The following COL7A1 variants were observed in gnomAD, a reference collection of about 807,000 sequenced individuals.
The protein encoded by COL7A1 is collagen type VII alpha 1 chain, also known as collagen alpha-1(VII) chain.
Under a neutral mutation model 456.2 loss-of-function variants are expected in COL7A1, and 296 were observed. The observed-to-expected ratio is 0.65, with a 90% CI of 0.59 to 0.71. The LOEUF (loss-of-function observed/expected upper bound fraction) is 0.71. Ranked by LOEUF, COL7A1 falls within the 30% of genes least tolerant of loss-of-function variation. The probability of loss-of-function intolerance (pLI) is 0.00; values close to 1 mark genes in which losing one functional copy is unlikely to be tolerated. For synonymous variants in COL7A1, 1,464 were observed against 1,525.9 expected, an observed-to-expected ratio of 0.96 and a Z score of 0.95; for missense variants, 3,441 against 4,017.2, an observed-to-expected ratio of 0.86 and a Z score of 3.88.
At chr3:48,576,809 T>C (rs1432861737) in intron 67 of COL7A1, 38 bp from the exon 68 acceptor site, 2 of 1,613,772 alleles carry the variant, frequency 1.2e-6, no homozygotes, top group South Asian at 2.2e-5. Flanking sequence ...CCCTGAGACC[T>C]CAGAAAAGAG....
In COL7A1 at chr3:48,594,539, G is replaced by A. The variant is rs775869590; in HGVS notation, c.95C>T (p.Thr32Met). The change falls in exon 3 of 119, where the codon ACG (threonine) becomes ATG (methionine). Residue 32 changes from threonine to methionine, a missense_variant. Around this residue, in one of 3 missense-constraint regions of COL7A1, gnomAD observed 913 missense variants for 1,088.2 expected, o/e 0.84. Coordinates refer to ENST00000681320, the MANE Select transcript of COL7A1 (RefSeq NM_000094.4). The surrounding 1 kb of genome is among the most constrained non-coding windows in gnomAD (Gnocchi z 5.5). ...CACAATGTCAGCGGCGTAAAGGCGCGTGCAGGTCACTGGGGCGGGCAGGAG... is the reference window on the plus strand; with the variant it reads ...CACAATGTCAGCGGCGTAAAGGCGCATGCAGGTCACTGGGGCGGGCAGGAG... ...RAQHRERVTC[T>M]RLYAADIVFL... 19 of 1,599,484 alleles carry A rather than the reference G, an allele frequency of 1.2e-5. No homozygotes were observed. The highest frequency in any genetic ancestry group is 1.5e-5 in the Non-Finnish European group (18 of 1,174,852).
chr3:48,567,373 T>C lies in COL7A1; in HGVS notation c.8047-183A>G, dbSNP rs2043653443. On this transcript the variant is annotated intron_variant, in intron 109 of 118. Transcript: ENST00000681320. The surrounding 1 kb of genome is among the most constrained non-coding windows in gnomAD (Gnocchi z 4.3). ...CTATAGCCCCCTGCCCTGATGCACA[T>C]GCCCCCTCCACCTCCCATGCTTTCA... 1.1e-6 allele frequency: 1 copy of C among 878,986 alleles called. No individual in the cohort carries two copies. Among genetic ancestry groups the C allele is most frequent in the African/African-American group, 1.7e-5 (1 of 59,180 alleles). The allele number at this position is 878,986 out of a possible 1,614,324, so 54.4% of individuals were successfully genotyped here.
At position 48,570,431 on chromosome 3, in the gene COL7A1, A is replaced by C. The variant is rs1345724582; in HGVS notation, c.7380+34T>G. ...GGAGGCTGAAGGGGGTGACCAGGGC[A>C]CAAGAGAGAGTCAGCAGCACTTGTC... On this transcript the variant is annotated intron_variant, in intron 97 of 118. Coordinates refer to ENST00000681320, the MANE Select transcript of COL7A1 (RefSeq NM_000094.4). The surrounding 1 kb of genome is among the most constrained non-coding windows in gnomAD (Gnocchi z 5.5). 6.2e-7 allele frequency: 1 copy of C among 1,613,892 alleles called. No homozygotes were observed. The highest frequency in any genetic ancestry group is 8.5e-7 in the Non-Finnish European group (1 of 1,179,958).
In COL7A1 at chr3:48,565,560, C is replaced by G; in HGVS notation, c.8441-64G>C. 1.2e-6 allele frequency: 2 copies of G among 1,614,000 alleles called. No homozygotes were observed. Among genetic ancestry groups the G allele is most frequent in the South Asian group, 2.2e-5 (2 of 91,054 alleles). On this transcript the variant is annotated intron_variant, in intron 115 of 118. Coordinates refer to ENST00000681320, the MANE Select transcript of COL7A1 (RefSeq NM_000094.4). This position sits in a 1 kb window ranked among gnomAD's most constrained non-coding sequence, Gnocchi z 4.5. ...CCATGGGCAGCCATCCCAGCCAACC[C>G]CCCTGAGAGGACCCCAGTTGATAGG... is the stretch of plus-strand genomic sequence containing the variant.
chr3:48,575,733 C>A lies in COL7A1; in HGVS notation c.5872G>T (p.Glu1958Ter). 1 of 1,614,036 alleles carries A rather than the reference C, an allele frequency of 6.2e-7. No individual in the cohort carries two copies. The highest frequency in any genetic ancestry group is 8.5e-7 in the Non-Finnish European group (1 of 1,180,036). Reference protein sequence around the residue: ...TAGIKASALREIVETWDESSG... With the variant: ...TAGIKASALR ...CTCTCATCCCAGGTCTCCACGATCT[C>A]CCGCAGGGCAGATGCCTGAGGGACA... Residue 1958 changes from glutamate to a stop codon, truncating the protein, a stop_gained, in exon 73 of 119, where the codon GAG becomes TAG. Transcript: ENST00000681320. LOFTEE classifies it high-confidence loss of function. The surrounding 1 kb of genome is among the most constrained non-coding windows in gnomAD (Gnocchi z 6.3).
Position 48,569,470 on chromosome 3 carries a change from C to T in COL7A1, c.7615-24G>A. 4.3e-6 allele frequency: 7 copies of T among 1,614,132 alleles called. No individual in the cohort carries two copies. The highest frequency in any genetic ancestry group is 5.9e-6 in the Non-Finnish European group (7 of 1,179,980). On this transcript the variant is annotated intron_variant, in intron 102 of 118. Coordinates refer to ENST00000681320, the MANE Select transcript of COL7A1 (RefSeq NM_000094.4). This position sits in a 1 kb window ranked among gnomAD's most constrained non-coding sequence, Gnocchi z 4.9. ...CCCTGGGTTGGTTTGGGTAAGAAGT[C>T]ACGGTAAGGGGCTGAAGGTCCCTCA... is the stretch of plus-strand genomic sequence containing the variant.
chr3:48,588,536 AG>A lies in COL7A1; in HGVS notation c.2587+105del. ...CCCTCCTCTCAGACCCTGCCCCCAA[AG>A]GCTCACTACCAATCCTGGTCCTTTC... is the stretch of plus-strand genomic sequence containing the variant. On this transcript the variant is annotated intron_variant, in intron 20 of 118. Coordinates refer to ENST00000681320, the MANE Select transcript of COL7A1 (RefSeq NM_000094.4). The surrounding 1 kb of genome is among the most constrained non-coding windows in gnomAD (Gnocchi z 4.6). 1 of 1,606,886 alleles carries A rather than the reference AG, an allele frequency of 6.2e-7. No individual in the cohort carries two copies. Among genetic ancestry groups the A allele is most frequent in the Non-Finnish European group, 8.5e-7 (1 of 1,177,104 alleles).
chr3:48,594,332 A>T lies in COL7A1; in HGVS notation c.266+36T>A, dbSNP rs746482682. The T allele has an allele frequency of 1.2e-5, 20 of 1,603,256 alleles. No homozygotes were observed. In the East Asian group the frequency reaches 4.2e-4, roughly 34 times the overall value. On this transcript the variant is annotated intron_variant, in intron 3 of 118. Transcript: ENST00000681320. The surrounding 1 kb of genome is among the most constrained non-coding windows in gnomAD (Gnocchi z 5.5). The stretch of plus-strand genomic sequence containing the variant: ...CTCTGGGGAAGGAGTCTTGGTGGGG[A>T]TCTCGTGGTCCCCAGCCCCCAGGGC...
In COL7A1 at chr3:48,568,110, T is replaced by C. The variant is rs907204165; in HGVS notation, c.7855A>G (p.Met2619Val). The change falls in exon 106 of 119, where the codon ATG becomes GTG. Residue 2619 changes from methionine to valine, a missense_variant. Transcript: ENST00000681320. The surrounding 1 kb of genome is among the most constrained non-coding windows in gnomAD (Gnocchi z 5.2). ...CCTACCTTGAGGCCCCGGGGACCCA[T>C]GAAGCCAACATCTCCTTTTTCTCCT... ...IRGEKGDVGF[M>V]GPRGLKGERG... The C allele has an allele frequency of 1.9e-6, 3 of 1,614,178 alleles. No individual in the cohort carries two copies. Among genetic ancestry groups the C allele is most frequent in the Admixed American group, 3.3e-5 (2 of 60,010 alleles).
At position 48,578,225 on chromosome 3, in the gene COL7A1, TAC is replaced by T; in HGVS notation, c.5532+94_5532+95del. The stretch of plus-strand genomic sequence containing the variant: ...ATGTCTGGGCCAGGATGCATGTGTC[TAC>T]ACGTGTGCCTCATGTGTTGCTACAG... On this transcript the variant is annotated intron_variant, in intron 65 of 118. Transcript: ENST00000681320. This position sits in a 1 kb window ranked among gnomAD's most constrained non-coding sequence, Gnocchi z 4.7. The T allele has an allele frequency of 7.1e-7, 1 of 1,402,982 alleles. No individual in the cohort carries two copies. Among genetic ancestry groups the T allele is most frequent in the East Asian group, 2.3e-5 (1 of 42,860 alleles). 86.9% of individuals were successfully genotyped at this position (1,402,982 alleles called of 1,614,324 possible).
rs1560247129 is a variant in COL7A1 at position 48,585,547 on chromosome 3, CCA to C, written c.3894+8_3894+9del. 6.2e-7 allele frequency: 1 copy of C among 1,613,768 alleles called. No individual in the cohort carries two copies. The highest frequency in any genetic ancestry group is 2.2e-5 in the East Asian group (1 of 44,880). Reference sequence around the variant, plus strand: ...TGCCTCAGAGAAACCTCGATGGTCTCCACACTCACCCTCTCGCCCTTGGCAGT... The same window carrying C: ...TGCCTCAGAGAAACCTCGATGGTCTCCACTCACCCTCTCGCCCTTGGCAGT... On this transcript the variant is annotated splice_region_variant and intron_variant, in intron 32 of 118. Coordinates refer to ENST00000681320, the MANE Select transcript of COL7A1 (RefSeq NM_000094.4). The surrounding 1 kb of genome is among the most constrained non-coding windows in gnomAD (Gnocchi z 4.5).
Position 48,583,859 on chromosome 3 carries a change from C to G in COL7A1, c.4278+41G>C. The G allele has an allele frequency of 6.2e-7, 1 of 1,613,670 alleles. No homozygotes were observed. On this transcript the variant is annotated intron_variant, in intron 39 of 118. Transcript: ENST00000681320. This position sits in a 1 kb window ranked among gnomAD's most constrained non-coding sequence, Gnocchi z 5.1. ...ACCACTGCCCCAGGAGAGACCCACA[C>G]CCCTGAGCAGGGCCCCCAGCAGAGC...
Position 48,587,808 on chromosome 3 carries a change from C to T in COL7A1, c.2842G>A (p.Val948Met), listed in dbSNP as rs2045382203. Residue 948 changes from valine (V) to methionine (M), a missense_variant, in exon 22 of 119, where the codon GTG becomes ATG. This residue lies in a region of COL7A1 where 444 missense variants were observed against 427.6 expected (regional missense o/e 1.04). Coordinates refer to ENST00000681320, the MANE Select transcript of COL7A1 (RefSeq NM_000094.4). This position sits in a 1 kb window ranked among gnomAD's most constrained non-coding sequence, Gnocchi z 6.1. ...GCAGGCTTACCAGTGCGCGCAGTCA[C>T]CTCTGCAGAGGGCCCTTCTCCAGCT... ...GPAGEGPSAE[V>M]TARTESPRVP... The T allele has an allele frequency of 6.2e-7, 1 of 1,613,244 alleles. No individual in the cohort carries two copies. The highest frequency in any genetic ancestry group is 1.3e-5 in the African/African-American group (1 of 74,856).
chr3:48,569,387 G>T lies in COL7A1; in HGVS notation c.7674C>A (p.Asp2558Glu), dbSNP rs201140493. 6.2e-7 allele frequency: 1 copy of T among 1,614,006 alleles called. No homozygotes were observed. The highest frequency in any genetic ancestry group is 8.5e-7 in the Non-Finnish European group (1 of 1,179,960). Residue 2558 changes from aspartate (D) to glutamate (E), a missense_variant, in exon 103 of 119, where the codon GAC becomes GAA. Physicochemically the swap from Asp to Glu is conservative, Grantham distance 45. This residue lies in a region of COL7A1 where 2,084 missense variants were observed against 2,501.3 expected (regional missense o/e 0.83). Coordinates refer to ENST00000681320, the MANE Select transcript of COL7A1 (RefSeq NM_000094.4). The surrounding 1 kb of genome is among the most constrained non-coding windows in gnomAD (Gnocchi z 4.9). ...CTCTTCCCTGTACCTTGTCACCAGGGTCCCCATTGTCTCCCCGAGGTCCTT... is the reference window on the plus strand; with the variant it reads ...CTCTTCCCTGTACCTTGTCACCAGGTTCCCCATTGTCTCCCCGAGGTCCTT... The part of the protein sequence containing the change: ...GDKGPRGDNG[D>E]PGDKGSKGEP...
At position 48,569,751 on chromosome 3, in the gene COL7A1, C is replaced by T. The variant is rs2043791981; in HGVS notation, c.7531G>A (p.Gly2511Arg). 1 of 1,614,088 alleles carries T rather than the reference C, an allele frequency of 6.2e-7. No individual in the cohort carries two copies. Among genetic ancestry groups the T allele is most frequent in the Non-Finnish European group, 8.5e-7 (1 of 1,180,034 alleles). ...TTGTCACCCTTTAGTCCTGCACTCC[C>T]AACATCACCCTATTGGGCAAAAGAG... is the stretch of plus-strand genomic sequence containing the variant. ...RGERGEKGDV[G>R]SAGLKGDKGD... is the part of the protein sequence containing the mutation. Residue 2511 changes from glycine (G) to arginine (R), a missense_variant, in exon 101 of 119, where the codon GGG (glycine) becomes AGG (arginine). By Grantham distance (125) the Gly-to-Arg change is moderately radical. Coordinates refer to ENST00000681320, the MANE Select transcript of COL7A1 (RefSeq NM_000094.4). The surrounding 1 kb of genome is among the most constrained non-coding windows in gnomAD (Gnocchi z 4.9).
chr3:48,583,307 T>C lies in COL7A1; in HGVS notation c.4437+86A>G. 1.2e-6 allele frequency: 2 copies of C among 1,609,204 alleles called. No homozygotes were observed. The highest frequency in any genetic ancestry group is 1.7e-6 in the Non-Finnish European group (2 of 1,176,160). On this transcript the variant is annotated intron_variant, in intron 42 of 118. Transcript: ENST00000681320. The surrounding 1 kb of genome is among the most constrained non-coding windows in gnomAD (Gnocchi z 5.1). ...CGACCTCTGACCTGGAGGGAACTCTTATCTCCTTATCTTCCAGCCTCCCCT... is the reference window on the plus strand; with the variant it reads ...CGACCTCTGACCTGGAGGGAACTCTCATCTCCTTATCTTCCAGCCTCCCCT...
rs2107744428 is a variant in COL7A1, at chr3:48,585,862, G to A, written c.3760-6C>T. The A allele has an allele frequency of 6.2e-7, 1 of 1,614,156 alleles. No homozygotes were observed. The highest frequency in any genetic ancestry group is 2.2e-5 in the East Asian group (1 of 44,876). Reference sequence around the variant, plus strand: ...CCAGGTTCCCCCTTCTGGCCCTGGGGAAAGACATGTCAGATGTGGGTCAGA... The same window carrying A: ...CCAGGTTCCCCCTTCTGGCCCTGGGAAAAGACATGTCAGATGTGGGTCAGA... On this transcript the variant is annotated splice_polypyrimidine_tract_variant and splice_region_variant and intron_variant, in intron 29 of 118. Coordinates refer to ENST00000681320, the MANE Select transcript of COL7A1 (RefSeq NM_000094.4). The surrounding 1 kb of genome is among the most constrained non-coding windows in gnomAD (Gnocchi z 4.5).
rs935227860 is a variant in COL7A1 at position 48,564,642 on chromosome 3, C to T, written c.8818+141G>A. On this transcript the variant is annotated intron_variant, in intron 118 of 118. Coordinates refer to ENST00000681320, the MANE Select transcript of COL7A1 (RefSeq NM_000094.4). This position sits in a 1 kb window ranked among gnomAD's most constrained non-coding sequence, Gnocchi z 6.0. ...TCTATATTCAGCTCTTTGGTCTGGGCGTCTGCCCCAGGTCCCCTACTGCGA... is the reference window on the plus strand; with the variant it reads ...TCTATATTCAGCTCTTTGGTCTGGGTGTCTGCCCCAGGTCCCCTACTGCGA... 7.3e-6 allele frequency: 8 copies of T among 1,100,884 alleles called. No homozygotes were observed. The highest frequency in any genetic ancestry group is 5.2e-5 in the East Asian group (2 of 38,674). 68.2% of individuals were successfully genotyped at this position (1,100,884 alleles called of 1,614,324 possible). A position where few individuals can be genotyped will look rare whatever the true frequency, so the allele number is the denominator to read the frequency against.
In COL7A1 at chr3:48,567,152, A is replaced by C. The variant is rs748087213; in HGVS notation, c.8085T>G (p.Gly2695=). The C allele has an allele frequency of 8.1e-6, 13 of 1,613,740 alleles. No homozygotes were observed. Among genetic ancestry groups the C allele is most frequent in the Non-Finnish European group, 1.0e-5 (12 of 1,179,940 alleles). Residue 2695 remains glycine, a synonymous_variant, in exon 110 of 119, where the codon GGT becomes GGG. Coordinates refer to ENST00000681320, the MANE Select transcript of COL7A1 (RefSeq NM_000094.4). The surrounding 1 kb of genome is among the most constrained non-coding windows in gnomAD (Gnocchi z 4.3). ...CCCGCTCCCCTTTCTCGCCCTGGTC[A>C]CCCTTGGGGCCTGGCTGCCCGTCAA... The part of the protein sequence containing the change: ...RGFDGQPGPK[G]DQGEKGERGT...
Sources: gnomAD v4.1 joint callset for allele counts on GRCh38, gnomAD v4.1.1 for gene constraint, gnomAD v4.1.1 regional missense constraint, Gnocchi (gnomAD v3.1) non-coding constraint, MANE v1.5 for transcripts, NCBI Gene and HGNC (gene_info 2026-07-23, HGNC 2026-07-21) for gene names.